APBB1IP: variants seen among roughly 807,000 people sequenced by gnomAD.
APBB1IP encodes the protein amyloid beta A4 precursor protein-binding family B member 1-interacting protein.
Under a neutral mutation model 64.9 loss-of-function variants are expected in APBB1IP, and 27 were observed. That is an observed-to-expected ratio of 0.42 (90% CI 0.31 to 0.57). APBB1IP has a LOEUF of 0.57. Among genes scored for constraint, APBB1IP ranks in the 20% least tolerant of loss-of-function variants. The pLI is 0.20. For synonymous variants in APBB1IP, 392 were observed against 331.0 expected, an observed-to-expected ratio of 1.18 and a Z score of -2.00; for missense variants, 812 against 845.5, an observed-to-expected ratio of 0.96 and a Z score of 0.49.
At chr10:26,557,804 T>G (rs1028140048) in intron 11 of APBB1IP, among the ~76,000 whole-genome samples, 2 of 152,136 alleles carry the variant, frequency 1.3e-5, no homozygotes, top group Non-Finnish European at 2.9e-5. Flanking sequence ...TCTAGCAGAG[T>G]GACTAGACGC....
chr10:26,566,972 AGCC>A lies in APBB1IP; in HGVS notation c.1486_1488del (p.Ala496del). The stretch of plus-strand genomic sequence containing the variant: ...CCACTCGGTTGCAGGATAAGAAGCC[AGCC>A]CTCGGGAACCACCACGACCCGGCAG... On this transcript the variant is annotated inframe_deletion, in exon 15 of 15. Coordinates refer to ENST00000376236, the MANE Select transcript of APBB1IP (RefSeq NM_019043.4). The A allele has an allele frequency of 6.3e-7, 1 of 1,579,766 alleles. No individual in the cohort carries two copies. The highest frequency in any genetic ancestry group is 8.5e-7 in the Non-Finnish European group (1 of 1,172,256).
chr10:26,523,345 T>C (rs540822239), intron 8 of APBB1IP, among the ~76,000 whole-genome samples: 1 of 152,332 alleles, frequency 6.6e-6, no homozygotes, highest in South Asian at 2.1e-4. Context: ...CCTTCTATTA[T>C]GTTGAAAGCA....
intron 2 of APBB1IP, among the ~76,000 whole-genome samples, chr10:26,473,575 G>A (rs1257586499): frequency 7.9e-5 from 12 of 152,176 alleles, no homozygotes; most frequent in Non-Finnish European, 4.4e-5. Flanking sequence ...AATGACAATT[G>A]GATCCTGCTT....
chr10:26,464,243 A>G (rs759632213), intron 2 of APBB1IP, among the ~76,000 whole-genome samples: 15 of 152,098 alleles, frequency 9.9e-5, no homozygotes, highest in Non-Finnish European at 1.2e-4. Context: ...AAGTCATTTC[A>G]TTGGAATTTT....
At chr10:26,457,440 T>G (rs1183194695) in intron 2 of APBB1IP, among the ~76,000 whole-genome samples, 1 of 152,204 alleles carries the variant, frequency 6.6e-6, no homozygotes, top group Non-Finnish European at 1.5e-5. Context: ...GTGCCTGGCC[T>G]CACCTTTGAT....
intron 8 of APBB1IP, among the ~76,000 whole-genome samples, chr10:26,525,069 G>A (rs1261859789): frequency 1.3e-5 from 2 of 149,030 alleles, no homozygotes; most frequent in Non-Finnish European, 3.0e-5. Flanking sequence ...GATCACTTGA[G>A]CCCAGGAGTT....
chr10:26,507,550 G>A (rs1483231520), intron 6 of APBB1IP, among the ~76,000 whole-genome samples: 5 of 152,092 alleles, frequency 3.3e-5, no homozygotes, highest in Admixed American at 3.3e-4. Flanking sequence ...TGGATTGTAG[G>A]GGCAAGGTAT....
intron 8 of APBB1IP, among the ~76,000 whole-genome samples, chr10:26,525,632 AG>A (rs1335410578): frequency 6.6e-6 from 1 of 152,202 alleles, no homozygotes; most frequent in African/African-American, 2.4e-5. Flanking sequence ...TTGCCTGTGT[AG>A]GGGAGAAAGA....
At position 26,536,223 on chromosome 10, in the gene APBB1IP, A is replaced by G. The variant is rs569640813; in HGVS notation, c.1044+6A>G. The G allele has an allele frequency of 7.1e-5, 10 of 141,290 alleles. No individual in the cohort carries two copies. Among genetic ancestry groups the G allele is most frequent in the Admixed American group, 4.8e-4 (5 of 10,362 alleles). The allele number at this position is 141,290 out of a possible 1,614,324, so 8.8% of individuals were successfully genotyped here. ...TACCCAAAGGAAAGACTAAGGTCAG[A>G]AAAAAAAAAAAAAAAGCACTTAGCA... On this transcript the variant is annotated splice_donor_region_variant and intron_variant, in intron 10 of 14. Transcript: ENST00000376236.
chr10:26,445,502 G>C (rs778318172), intron 2 of APBB1IP, among the ~76,000 whole-genome samples: 1 of 152,066 alleles, frequency 6.6e-6, no homozygotes, highest in Admixed American at 6.5e-5. Flanking sequence ...CTCCCGCTTC[G>C]GCCTCCTAAA....
chr10:26,525,482 A>G (rs1836462204), intron 8 of APBB1IP, among the ~76,000 whole-genome samples: 1 of 152,006 alleles, frequency 6.6e-6, no homozygotes, highest in African/African-American at 2.4e-5. Context: ...AGGAAAAGGT[A>G]AGACTTTTTC....
At position 26,567,519 on chromosome 10, in the gene APBB1IP, A is replaced by G; in HGVS notation, c.*31A>G. ...GGCATGATGAGTGTTCCAGAGGGAGAAGCATCGCTGACCCCGAGCGCAGGT... is the reference window on the plus strand; with the variant it reads ...GGCATGATGAGTGTTCCAGAGGGAGGAGCATCGCTGACCCCGAGCGCAGGT... On this transcript the variant is annotated 3_prime_UTR_variant, in exon 15 of 15. Coordinates refer to ENST00000376236, the MANE Select transcript of APBB1IP (RefSeq NM_019043.4). 1 of 1,531,644 alleles carries G rather than the reference A, an allele frequency of 6.5e-7. No homozygotes were observed. The highest frequency in any genetic ancestry group is 1.7e-5 in the Admixed American group (1 of 57,158). 94.9% of individuals were successfully genotyped at this position (1,531,644 alleles called of 1,614,324 possible). A position where few individuals can be genotyped will look rare whatever the true frequency, so the allele number is the denominator to read the frequency against.
intron 2 of APBB1IP, among the ~76,000 whole-genome samples, chr10:26,462,863 C>T (rs887535990): frequency 1.3e-5 from 2 of 152,128 alleles, no homozygotes; most frequent in African/African-American, 4.8e-5. Context: ...TCTTGTTACT[C>T]CTCAAATGTT....
intron 8 of APBB1IP, among the ~76,000 whole-genome samples, chr10:26,514,754 A>G (rs1836303183): frequency 6.6e-6 from 1 of 151,898 alleles, no homozygotes; most frequent in Non-Finnish European, 1.5e-5. Flanking sequence ...TATAAATGCT[A>G]TTTTCTGGGT....
In APBB1IP at chr10:26,511,849, C is replaced by T. The variant is rs1836264721; in HGVS notation, c.634C>T (p.His212Tyr). 6.2e-7 allele frequency: 1 copy of T among 1,614,066 alleles called. No individual in the cohort carries two copies. Among genetic ancestry groups the T allele is most frequent in the Non-Finnish European group, 8.5e-7 (1 of 1,180,046 alleles). ...TCTGGACAACCTTTTCGAGAAAACT[C>T]ATTGTGACTGCAATGTAGACTGGTG... is the stretch of plus-strand genomic sequence containing the variant. ...DVLDNLFEKT[H>Y]CDCNVDWCLY... Residue 212 changes from histidine (H) to tyrosine (Y), a missense_variant, in exon 7 of 15, where the codon CAT (histidine) becomes TAT (tyrosine). This residue lies in a region of APBB1IP where 394 missense variants were observed against 413.1 expected (regional missense o/e 0.95). Transcript: ENST00000376236.
chr10:26,462,630 A>T (rs1461181000), intron 2 of APBB1IP, among the ~76,000 whole-genome samples: 1 of 152,040 alleles, frequency 6.6e-6, no homozygotes, highest in Admixed American at 6.6e-5. Flanking sequence ...ATTTTTGAAA[A>T]TTTTGTTTGG....
intron 3 of APBB1IP, among the ~76,000 whole-genome samples, chr10:26,493,104 T>C (rs904093074): frequency 2.0e-5 from 3 of 152,156 alleles, no homozygotes; most frequent in African/African-American, 7.2e-5. Flanking sequence ...CAGTGATATT[T>C]CTCTTACCCG....
chr10:26,512,940 CT>C (rs1836279042), intron 7 of APBB1IP, among the ~76,000 whole-genome samples: 1 of 152,110 alleles, frequency 6.6e-6, no homozygotes, highest in African/African-American at 2.4e-5. Flanking sequence ...GAAAGCCTTT[CT>C]TTATGTTTTA....
chr10:26,445,173 AAAGAAAGAAAGAAAG>A (rs1835382691), intron 2 of APBB1IP, among the ~76,000 whole-genome samples: 1 of 149,614 alleles, frequency 6.7e-6, no homozygotes. Flanking sequence ...AGAAAGAAAG[AAAGAAAGAAAGAAAG>A]AAAGAAAAGG....
Sources: allele counts gnomAD v4.1 joint callset (sites outside exome capture counted in the v4.1 genomes callset), GRCh38; gene constraint gnomAD v4.1.1; regional missense constraint gnomAD v4.1.1; transcripts MANE v1.5; gene names NCBI Gene and HGNC (gene_info 2026-07-23, HGNC 2026-07-21).